The following OPCML variants were observed in gnomAD, a reference collection of about 807,000 sequenced individuals.
The protein encoded by OPCML is opioid binding protein/cell adhesion molecule like.
OPCML carries 13 observed loss-of-function variants against 37.8 expected under a neutral mutation model. The ratio of observed to expected loss-of-function variants is 0.34; its 90% confidence interval spans 0.22 to 0.55. The LOEUF is 0.55. Ranked by LOEUF, OPCML falls within the 20% of genes least tolerant of loss-of-function variation. The pLI is 0.91. For synonymous variants in OPCML, 176 were observed against 168.8 expected, an observed-to-expected ratio of 1.04 and a Z score of -0.33; for missense variants, 341 against 435.6, an observed-to-expected ratio of 0.78 and a Z score of 1.93.
intron 2 of OPCML, among the ~76,000 whole-genome samples, chr11:132,918,569 T>A (rs901315815): frequency 1.1e-4 from 16 of 152,224 alleles, no homozygotes; most frequent in Non-Finnish European, 2.2e-4. Flanking sequence ...TCTTTGATTT[T>A]TTTAAGTCAG....
At chr11:133,275,748 C>T (rs779124418) in intron 1 of OPCML, among the ~76,000 whole-genome samples, 6 of 152,150 alleles carry the variant, frequency 3.9e-5, no homozygotes, top group African/African-American at 7.2e-5. Flanking sequence ...CCCAGAAAGG[C>T]GCCTGGCACA....
At chr11:132,906,556 G>A (rs747556506) in intron 2 of OPCML, among the ~76,000 whole-genome samples, 3 of 152,118 alleles carry the variant, frequency 2.0e-5, no homozygotes, top group Non-Finnish European at 2.9e-5. Flanking sequence ...CATTAGGGTC[G>A]TTTACCATTC....
intron 1 of OPCML, among the ~76,000 whole-genome samples, chr11:132,972,175 G>A (rs1046777457): frequency 2.6e-5 from 4 of 152,116 alleles, no homozygotes; most frequent in Non-Finnish European, 5.9e-5. Flanking sequence ...GATTTTGGGT[G>A]GCTCTGACTG....
intron 1 of OPCML, among the ~76,000 whole-genome samples, chr11:133,462,092 C>T (rs1196588878): frequency 1.3e-5 from 2 of 151,902 alleles, no homozygotes; most frequent in African/African-American, 2.4e-5. Context: ...ATATGAAATT[C>T]AACCCTTAAT....
chr11:133,218,605 G>A (rs79337553), intron 1 of OPCML, among the ~76,000 whole-genome samples: 5,009 of 152,246 alleles, frequency 0.033, 257 homozygotes, highest in African/African-American at 0.11. Context: ...GGTCCACGGC[G>A]AAGAGTAGCC....
At chr11:133,026,989 G>C (rs1257988775) in intron 1 of OPCML, among the ~76,000 whole-genome samples, 1 of 152,128 alleles carries the variant, frequency 6.6e-6, no homozygotes, top group Non-Finnish European at 1.5e-5. Context: ...GTTGAGCCAG[G>C]CCACAGAGGG....
intron 1 of OPCML, among the ~76,000 whole-genome samples, chr11:133,172,231 C>G (rs1950297325): frequency 6.6e-6 from 1 of 152,118 alleles, no homozygotes; most frequent in Admixed American, 6.5e-5. Context: ...AGGTGATGAA[C>G]ATGACAGTTA....
chr11:132,420,439 G>A lies in OPCML; in HGVS notation c.917-146C>T, dbSNP rs1000857684. The A allele has an allele frequency of 3.4e-5, 48 of 1,408,734 alleles. No homozygotes were observed. In the African/African-American group the frequency reaches 6.1e-4, roughly 18 times the overall value. The allele number at this position is 1,408,734 out of a possible 1,614,324, so 87.3% of individuals were successfully genotyped here. A position where few individuals can be genotyped will look rare whatever the true frequency, so the allele number is the denominator to read the frequency against. Reference sequence around the variant, plus strand: ...GTCTAAACAAAGGAAAAAGCCCATTGGGAGTATTTAGGAACTCAAAGGGGC... The same window carrying A: ...GTCTAAACAAAGGAAAAAGCCCATTAGGAGTATTTAGGAACTCAAAGGGGC... On this transcript the variant is annotated intron_variant, in intron 7 of 7. Coordinates refer to ENST00000524381, the MANE Select transcript of OPCML (RefSeq NM_001012393.5).
chr11:132,666,082 A>G (rs768364062), intron 2 of OPCML, among the ~76,000 whole-genome samples: 1 of 152,172 alleles, frequency 6.6e-6, no homozygotes, highest in Non-Finnish European at 1.5e-5. Context: ...GCAATACACA[A>G]AGTCACAGAA....
intron 3 of OPCML, among the ~76,000 whole-genome samples, chr11:132,638,595 C>T (rs1784186): frequency 0.094 from 14,309 of 152,120 alleles, 967 homozygotes; most frequent in African/African-American, 0.2. Context: ...TACTCTTACA[C>T]ATAACATCAC....
intron 2 of OPCML, chr11:132,860,106 G>A (rs1367185952): frequency 6.6e-6 from 1 of 152,192 alleles, no homozygotes; most frequent in Non-Finnish European, 1.5e-5. Flanking sequence ...AGGAAAGACT[G>A]AATTTCGTGT....
At chr11:132,961,737 A>G (rs2136724221) in intron 1 of OPCML, among the ~76,000 whole-genome samples, 1 of 152,314 alleles carries the variant, frequency 6.6e-6, no homozygotes, top group Middle Eastern at 3.4e-3. Flanking sequence ...TTCAGATGTT[A>G]ATAGCCTACA....
intron 2 of OPCML, among the ~76,000 whole-genome samples, chr11:132,893,672 C>T (rs951157): frequency 0.26 from 38,821 of 152,188 alleles, 5,387 homozygotes; most frequent in Middle Eastern, 0.31. Context: ...ATAGCAATAT[C>T]GCAAAATCTG....
At chr11:132,670,733 A>G (rs1942437558) in intron 2 of OPCML, among the ~76,000 whole-genome samples, 1 of 151,306 alleles carries the variant, frequency 6.6e-6, no homozygotes, top group Non-Finnish European at 1.5e-5. Flanking sequence ...CAAAGAAACT[A>G]TTTTTTTTTA....
chr11:132,539,326 G>T (rs538710711), intron 3 of OPCML, among the ~76,000 whole-genome samples: 16 of 152,274 alleles, frequency 1.1e-4, no homozygotes, highest in African/African-American at 3.8e-4. Context: ...CCTGTGCAAA[G>T]GATCTACAAA....
Position 133,532,261 on chromosome 11 carries a change from T to C in OPCML, c.61+3A>G. 6.2e-7 allele frequency: 1 copy of C among 1,613,764 alleles called. No individual in the cohort carries two copies. Among genetic ancestry groups the C allele is most frequent in the South Asian group, 1.1e-5 (1 of 90,980 alleles). ...GAGAAAACACCCTTCCCCTGTACGG[T>C]ACCTGGGATGAAGAGCAGGGCAGTT... On this transcript the variant is annotated splice_donor_region_variant and intron_variant, in intron 1 of 7. Coordinates refer to ENST00000524381, the MANE Select transcript of OPCML (RefSeq NM_001012393.5).
rs115546505 is a variant in OPCML at position 133,258,531 on chromosome 11, G to A, written c.61+273733C>T. Among the ~76,000 whole-genome samples the A allele has an allele frequency of 7.4e-3, 1,122 of 152,268 alleles. 11 individuals carry two copies. Among genetic ancestry groups the A allele is most frequent in the African/African-American group, 0.025 (1,020 of 41,558 alleles). Reference sequence around the variant, plus strand: ...CTTTGAACAAGAAGGTCCACCAGAGGTTATGATGATTGAGCTTCTACAGGA... The same window carrying A: ...CTTTGAACAAGAAGGTCCACCAGAGATTATGATGATTGAGCTTCTACAGGA... On this transcript the variant is annotated intron_variant, in intron 1 of 7. Coordinates refer to ENST00000524381, the MANE Select transcript of OPCML (RefSeq NM_001012393.5).
At chr11:132,432,637 T>C (rs1645692328) in intron 7 of OPCML, among the ~76,000 whole-genome samples, 1 of 152,188 alleles carries the variant, frequency 6.6e-6, no homozygotes, top group South Asian at 2.1e-4. Flanking sequence ...TCCCCACATA[T>C]ATTCACACAT....
At chr11:132,514,283 A>T (rs959259227) in intron 4 of OPCML, among the ~76,000 whole-genome samples, 4 of 152,312 alleles carry the variant, frequency 2.6e-5, no homozygotes, top group African/African-American at 9.6e-5. Flanking sequence ...CATGCAAAAA[A>T]TCAGAAGTTG....
Sources: allele counts gnomAD v4.1 joint callset (sites outside exome capture counted in the v4.1 genomes callset), GRCh38; gene constraint gnomAD v4.1.1; transcripts MANE v1.5; gene names NCBI Gene and HGNC (gene_info 2026-07-23, HGNC 2026-07-21).